The following SENP6 variants were observed in gnomAD, a reference collection of about 807,000 sequenced individuals.
The protein encoded by SENP6 is SUMO specific peptidase 6, also known as sentrin-specific protease 6.
Under a neutral mutation model 134.5 loss-of-function variants are expected in SENP6, and 41 were observed. The observed-to-expected ratio is 0.30, with a 90% CI of 0.24 to 0.40. SENP6 has a LOEUF of 0.40. SENP6 is among the 10% of genes least tolerant of loss of function. The pLI, the probability that SENP6 is intolerant of heterozygous loss-of-function variation, is 1.00. For synonymous variants in SENP6, 395 were observed against 429.8 expected (o/e 0.92, Z 1.00); for missense variants, 1,248 against 1,312.5 (o/e 0.95, Z 0.76).
intron 1 of SENP6, among the ~76,000 whole-genome samples, chr6:75,610,302 A>T (rs997548831): frequency 6.6e-6 from 1 of 152,206 alleles, no homozygotes; most frequent in Non-Finnish European, 1.5e-5. Flanking sequence ...CAGTATCTTG[A>T]TATAAAATGC....
At chr6:75,707,250 A>C (rs1259607846) in intron 19 of SENP6, among the ~76,000 whole-genome samples, 2 of 152,188 alleles carry the variant, frequency 1.3e-5, no homozygotes, top group African/African-American at 4.8e-5. Context: ...GATTTTGGAC[A>C]AATGTTATTC....
chr6:75,666,398 A>G lies in SENP6; in HGVS notation c.995-314A>G, dbSNP rs74674923. On this transcript the variant is annotated intron_variant, in intron 9 of 23. Coordinates refer to ENST00000447266, the MANE Select transcript of SENP6 (RefSeq NM_015571.4). The stretch of plus-strand genomic sequence containing the variant: ...TTTTTTGGGACTCTGAAATAGACCT[A>G]CTGTTCTTCTTGTAACTTGCTGATA... Among the ~76,000 whole-genome samples, 1,026 of 150,530 alleles carry G rather than the reference A, an allele frequency of 6.8e-3. 5 individuals carry two copies. The highest frequency in any genetic ancestry group is 0.012 in the Non-Finnish European group (790 of 67,636).
rs532509763 is a variant in SENP6, at chr6:75,716,734, T to G, written c.*1140T>G. On this transcript the variant is annotated 3_prime_UTR_variant, in exon 24 of 24. Coordinates refer to ENST00000447266, the MANE Select transcript of SENP6 (RefSeq NM_015571.4). Reference sequence around the variant, plus strand: ...TTTCAAATGAAATGGTGTATACTTCTTTCAAATGAACTTTGAGACTTGAAA... The same window carrying G: ...TTTCAAATGAAATGGTGTATACTTCGTTCAAATGAACTTTGAGACTTGAAA... 6.6e-6 allele frequency: 1 copy of G among 152,028 alleles called. No individual in the cohort carries two copies. Among genetic ancestry groups the G allele is most frequent in the Admixed American group, 6.6e-5 (1 of 15,256 alleles). 9.4% of individuals were successfully genotyped at this position (152,028 alleles called of 1,614,324 possible). A position where few individuals can be genotyped will look rare whatever the true frequency, so the allele number is the denominator to read the frequency against.
At chr6:75,644,152 G>C (rs1394440479) in intron 6 of SENP6, 1 of 151,656 alleles carries the variant, frequency 6.6e-6, no homozygotes, top group African/African-American at 2.4e-5. Flanking sequence ...GATGACACAC[G>C]AATTAGTAAA....
At chr6:75,698,977 C>T (rs961625951) in intron 18 of SENP6, among the ~76,000 whole-genome samples, 2 of 150,036 alleles carry the variant, frequency 1.3e-5, no homozygotes, top group African/African-American at 4.9e-5. Context: ...TGCCCCTGCA[C>T]TCCAGCCTGG....
intron 3 of SENP6, among the ~76,000 whole-genome samples, chr6:75,627,667 A>G (rs1000036339): frequency 1.3e-5 from 2 of 152,126 alleles, no homozygotes; most frequent in Non-Finnish European, 2.9e-5. Flanking sequence ...TCATGTACAC[A>G]TATGTAGCTT....
intron 16 of SENP6, 67 bp from the exon 17 acceptor site, chr6:75,695,736 CA>C: frequency 7.4e-6 from 10 of 1,353,122 alleles, no homozygotes; most frequent in East Asian, 2.6e-5. Flanking sequence ...GACTCTGTCT[CA>C]AAAAAATAGA....
At chr6:75,621,477 T>C in intron 1 of SENP6, 55 bp from the exon 2 acceptor site, 1 of 1,070,204 alleles carries the variant, frequency 9.3e-7, no homozygotes, top group East Asian at 2.5e-5. Context: ...ACATATTTGT[T>C]TTATATTGAA....
chr6:75,655,946 T>C (rs1423217552), intron 7 of SENP6, among the ~76,000 whole-genome samples: 2 of 151,960 alleles, frequency 1.3e-5, no homozygotes, highest in African/African-American at 4.8e-5. Flanking sequence ...AGGCTGGGCG[T>C]GGTGGTTCAT....
At chr6:75,652,334 T>C (rs1770931875) in intron 7 of SENP6, among the ~76,000 whole-genome samples, 1 of 151,964 alleles carries the variant, frequency 6.6e-6, no homozygotes, top group Non-Finnish European at 1.5e-5. Flanking sequence ...TCCAAGTTTC[T>C]ATAATCTTTT....
chr6:75,650,004 C>G (rs1770748512), intron 7 of SENP6, among the ~76,000 whole-genome samples: 2 of 152,154 alleles, frequency 1.3e-5, no homozygotes, highest in Admixed American at 1.3e-4. Context: ...ATTTCACTAG[C>G]TTTTCACTAA....
At chr6:75,623,227 C>G (rs922699315) in intron 2 of SENP6, among the ~76,000 whole-genome samples, 2 of 152,090 alleles carry the variant, frequency 1.3e-5, no homozygotes, top group African/African-American at 4.8e-5. Flanking sequence ...TAAAAACTGT[C>G]TTTACGGTGC....
intron 16 of SENP6, among the ~76,000 whole-genome samples, chr6:75,693,618 C>CT (rs1418621741): frequency 1.7e-4 from 26 of 152,136 alleles, no homozygotes; most frequent in Non-Finnish European, 4.4e-5. Flanking sequence ...TAGGGGCACA[C>CT]TGAGTTGCCT....
At chr6:75,660,074 C>T (rs1771655685) in intron 8 of SENP6, among the ~76,000 whole-genome samples, 1 of 152,114 alleles carries the variant, frequency 6.6e-6, no homozygotes, top group Admixed American at 6.5e-5. Flanking sequence ...TAGTCTCTTT[C>T]AATAGAAATA....
At position 75,674,146 on chromosome 6, in the gene SENP6, CT is replaced by C. The variant is rs770350544; in HGVS notation, c.1393-1265del. Among the ~76,000 whole-genome samples the C allele has an allele frequency of 5.8e-3, 748 of 128,482 alleles. 5 individuals are homozygous for C. The highest frequency in any genetic ancestry group is 6.5e-3 in the African/African-American group (224 of 34,376). The allele number at this position is 128,482 out of a possible 152,430, so 84.3% of individuals were successfully genotyped here. A position where few individuals can be genotyped will look rare whatever the true frequency, so the allele number is the denominator to read the frequency against. On this transcript the variant is annotated intron_variant, in intron 11 of 23. Transcript: ENST00000447266. Reference sequence around the variant, plus strand: ...TGCTAGAATGTTTCGCAAGCTACTCCTTTTTTTTTTTTTTTTTTTTTTTTAA... The same window carrying C: ...TGCTAGAATGTTTCGCAAGCTACTCCTTTTTTTTTTTTTTTTTTTTTTTAA...
chr6:75,694,633 A>G (rs981920780), intron 16 of SENP6, among the ~76,000 whole-genome samples: 1 of 152,230 alleles, frequency 6.6e-6, no homozygotes, highest in Non-Finnish European at 1.5e-5. Flanking sequence ...TTGTACAAAT[A>G]GAACCATAAA....
At chr6:75,678,192 A>G (rs1773221878) in intron 14 of SENP6, 1 of 170,854 alleles carries the variant, frequency 5.9e-6, no homozygotes. Context: ...GAAACTCATT[A>G]GACTGTGTTC....
intron 9 of SENP6, among the ~76,000 whole-genome samples, chr6:75,665,520 C>T (rs543529604): frequency 2.8e-4 from 42 of 152,218 alleles, no homozygotes; most frequent in Non-Finnish European, 4.9e-4. Context: ...GTATTTGACT[C>T]AAATACAATG....
chr6:75,705,510 C>T (rs1775328533), intron 19 of SENP6, among the ~76,000 whole-genome samples: 1 of 152,020 alleles, frequency 6.6e-6, no homozygotes, highest in South Asian at 2.1e-4. Context: ...CGCAACTGCA[C>T]TTCAGTCTGG....
Sources: gnomAD v4.1 joint callset for allele counts (sites outside exome capture counted in the v4.1 genomes callset) on GRCh38, gnomAD v4.1.1 for gene constraint, MANE v1.5 for transcripts, NCBI Gene and HGNC (gene_info 2026-07-23, HGNC 2026-07-21) for gene names.